Variants in DEPTOR observed in about 807,000 individuals in gnomAD.
DEPTOR encodes DEP domain containing MTOR interacting protein, also known as DEP domain-containing mTOR-interacting protein.
In DEPTOR, 41 loss-of-function variants were observed where a neutral mutation model predicts 41.6. The observed-to-expected ratio is 0.98, with a 90% CI of 0.77 to 1.28. The LOEUF is 1.28. Among genes scored for constraint, DEPTOR ranks in the 50% most tolerant of loss-of-function variants. The probability of loss-of-function intolerance (pLI) is 0.00; values close to 1 mark genes in which losing one functional copy is unlikely to be tolerated. For synonymous variants in DEPTOR, 195 were observed against 192.3 expected (o/e 1.01, Z -0.12); for missense variants, 514 against 527.9 (o/e 0.97, Z 0.26).
chr8:119,876,900 A>G (rs1011365417), intron 1 of DEPTOR, among the ~76,000 whole-genome samples: 5 of 152,194 alleles, frequency 3.3e-5, no homozygotes, highest in Non-Finnish European at 5.9e-5. Context: ...TCATGTATTA[A>G]TGAGCATTCA....
At chr8:119,888,221 T>C (rs1827398856) in intron 1 of DEPTOR, among the ~76,000 whole-genome samples, 2 of 152,162 alleles carry the variant, frequency 1.3e-5, no homozygotes, top group Admixed American at 1.3e-4. Flanking sequence ...TTTCTCCTTC[T>C]AGGAGAAACA....
At chr8:119,951,518 T>G (rs1828353870) in intron 3 of DEPTOR, among the ~76,000 whole-genome samples, 1 of 152,194 alleles carries the variant, frequency 6.6e-6, no homozygotes, top group Admixed American at 6.5e-5. Context: ...CCATGGGGAA[T>G]GTGAAAATTA....
intron 8 of DEPTOR, among the ~76,000 whole-genome samples, chr8:120,010,270 A>G (rs1812510496): frequency 1.3e-5 from 2 of 152,326 alleles, no homozygotes; most frequent in South Asian, 4.1e-4. Context: ...TAATGAATGA[A>G]TTATGGAAGA....
chr8:119,977,093 C>T (rs545650615), intron 4 of DEPTOR, among the ~76,000 whole-genome samples: 1 of 152,222 alleles, frequency 6.6e-6, no homozygotes, highest in East Asian at 1.9e-4. Flanking sequence ...CTCCGCCTCC[C>T]GGGTTGTAGC....
chr8:120,005,412 A>T (rs1024249725), intron 6 of DEPTOR, among the ~76,000 whole-genome samples: 3 of 152,244 alleles, frequency 2.0e-5, no homozygotes, highest in African/African-American at 7.2e-5. Context: ...CCTTTCACTG[A>T]GAGGGTGCTT....
At chr8:119,959,165 T>C (rs1443594929) in intron 3 of DEPTOR, among the ~76,000 whole-genome samples, 520 of 143,228 alleles carry the variant, frequency 3.6e-3, no homozygotes, top group African/African-American at 0.013. Flanking sequence ...TTTCTTTTTT[T>C]TTTTTTTTTT....
At chr8:119,916,717 C>T (rs1378081408) in intron 1 of DEPTOR, among the ~76,000 whole-genome samples, 2 of 152,148 alleles carry the variant, frequency 1.3e-5, no homozygotes, top group African/African-American at 4.8e-5. Flanking sequence ...TCAGAAATTA[C>T]ATTAAGCTGA....
At chr8:119,887,887 C>G (rs1183923791) in intron 1 of DEPTOR, among the ~76,000 whole-genome samples, 1 of 152,052 alleles carries the variant, frequency 6.6e-6, no homozygotes, top group Admixed American at 6.6e-5. Context: ...GGGGCATGAT[C>G]ACAGCACACT....
chr8:119,983,149 A>G (rs1828788187), intron 4 of DEPTOR, among the ~76,000 whole-genome samples: 1 of 152,226 alleles, frequency 6.6e-6, no homozygotes, highest in African/African-American at 2.4e-5. Context: ...CTCAGTTTCA[A>G]CAAATGTACC....
At chr8:119,933,179 G>A (rs999419607) in intron 3 of DEPTOR, among the ~76,000 whole-genome samples, 17 of 152,068 alleles carry the variant, frequency 1.1e-4, no homozygotes, top group Non-Finnish European at 2.5e-4. Flanking sequence ...TGACTCCTGT[G>A]GCTTCCAGTT....
chr8:120,008,190 CCCCTTGGTGGAGAAAGGGGCATGGTGGAG>C (rs1812474432), intron 7 of DEPTOR, among the ~76,000 whole-genome samples: 1 of 151,958 alleles, frequency 6.6e-6, no homozygotes, highest in African/African-American at 2.4e-5. Context: ...CTTCTTTTCC[CCCCTTGGTGGAGAAAGGGGCATGGTGGAG>C]CCCTTGGTGG....
At chr8:119,964,706 C>G (rs1276834157) in intron 3 of DEPTOR, among the ~76,000 whole-genome samples, 1 of 151,942 alleles carries the variant, frequency 6.6e-6, no homozygotes, top group African/African-American at 2.4e-5. Flanking sequence ...GTCTGCTAAT[C>G]GTAGAGTTTT....
At chr8:120,048,032 C>CAAAAAAAA (rs34841127) in intron 8 of DEPTOR, among the ~76,000 whole-genome samples, 10 of 137,024 alleles carry the variant, frequency 7.3e-5, no homozygotes, top group African/African-American at 2.8e-4. Context: ...GACTCCATGT[C>CAAAAAAAA]AAAAAAAAAA....
intron 5 of DEPTOR, 129 bp downstream of exon 5, chr8:120,001,839 G>A (rs1247516004): frequency 6.0e-6 from 7 of 1,162,688 alleles, no homozygotes; most frequent in Non-Finnish European, 7.9e-6. Flanking sequence ...TAACCAAGAA[G>A]CATGAAAAAA....
intron 3 of DEPTOR, among the ~76,000 whole-genome samples, chr8:119,935,373 GTT>G: frequency 6.6e-6 from 1 of 152,280 alleles, no homozygotes; most frequent in East Asian, 1.9e-4. Context: ...GGTAGAAAGG[GTT>G]TTGAGTGCAT....
chr8:119,929,563 T>C (rs781478302), intron 2 of DEPTOR, among the ~76,000 whole-genome samples: 28 of 150,282 alleles, frequency 1.9e-4, no homozygotes, highest in Non-Finnish European at 4.0e-4. Flanking sequence ...TTCCTAAATA[T>C]GATGATGATG....
chr8:119,913,601 G>C (rs1827773953), intron 1 of DEPTOR, among the ~76,000 whole-genome samples: 1 of 152,098 alleles, frequency 6.6e-6, no homozygotes, highest in Non-Finnish European at 1.5e-5. Flanking sequence ...AATTTAAAGG[G>C]GCTCATATTC....
chr8:119,995,588 CAAAA>C (rs773251025), intron 4 of DEPTOR, among the ~76,000 whole-genome samples: 2 of 92,416 alleles, frequency 2.2e-5, no homozygotes, highest in Non-Finnish European at 2.2e-5. Context: ...TCCTCTGTCT[CAAAA>C]AAAAAAAAAA....
intron 8 of DEPTOR, among the ~76,000 whole-genome samples, chr8:120,029,464 C>T (rs1183538140): frequency 2.0e-5 from 3 of 152,030 alleles, no homozygotes; most frequent in Non-Finnish European, 2.9e-5. Context: ...GGCATGATCT[C>T]GGCTCACTGC....
Sources: allele counts gnomAD v4.1 joint callset (sites outside exome capture counted in the v4.1 genomes callset), GRCh38; gene constraint gnomAD v4.1.1; transcripts MANE v1.5; gene names NCBI Gene and HGNC (gene_info 2026-07-23, HGNC 2026-07-21).